EPM2A: variants seen among roughly 807,000 people sequenced by gnomAD.
EPM2A encodes the protein laforin.
In EPM2A, 21 loss-of-function variants were observed where a neutral mutation model predicts 26.5. The observed-to-expected ratio is 0.79, with a 90% confidence interval of 0.56 to 1.14. EPM2A has a LOEUF of 1.14. Among genes scored for constraint, EPM2A ranks in the 50% most tolerant of loss-of-function variants. The pLI is 0.00. For synonymous variants in EPM2A, 217 were observed against 177.6 expected (o/e 1.22, Z -1.76); for missense variants, 458 against 440.8 (o/e 1.04, Z -0.35).
intron 4 of EPM2A, among the ~76,000 whole-genome samples, chr6:145,461,941 A>G (rs1205698088): frequency 1.3e-5 from 2 of 152,194 alleles, no homozygotes; most frequent in Non-Finnish European, 2.9e-5. Flanking sequence ...GAATTGGGAC[A>G]TGGTACTTCC....
At chr6:145,488,123 G>A (rs188178860) in intron 4 of EPM2A, among the ~76,000 whole-genome samples, 1 of 152,150 alleles carries the variant, frequency 6.6e-6, no homozygotes, top group African/African-American at 2.4e-5. Flanking sequence ...ATATCAGATA[G>A]TTGTAGGTCT....
At chr6:145,513,495 T>C (rs1351424379) in intron 2 of EPM2A, among the ~76,000 whole-genome samples, 1 of 152,218 alleles carries the variant, frequency 6.6e-6, no homozygotes, top group Non-Finnish European at 1.5e-5. Flanking sequence ...TATGGCGATA[T>C]CTCAAAGAAC....
At chr6:145,707,057 A>G (rs1377590504) in intron 1 of EPM2A, among the ~76,000 whole-genome samples, 2 of 152,222 alleles carry the variant, frequency 1.3e-5, no homozygotes, top group African/African-American at 4.8e-5. Context: ...GAGAAAGCCA[A>G]ATCTATTAAT....
intron 2 of EPM2A, among the ~76,000 whole-genome samples, chr6:145,544,076 G>A (rs1446134035): frequency 1.3e-5 from 2 of 152,176 alleles, no homozygotes; most frequent in Admixed American, 1.3e-4. Context: ...GAAAGAAAAT[G>A]GACAAATTAT....
chr6:145,640,562 T>C (rs1405744714), intron 2 of EPM2A: 2 of 152,102 alleles, frequency 1.3e-5, no homozygotes, highest in African/African-American at 4.8e-5. Flanking sequence ...AAAACCCAGC[T>C]AAGAATTTAA....
chr6:145,543,369 C>T lies in EPM2A; in HGVS notation c.341-40794G>A, dbSNP rs1025724352. Among the ~76,000 whole-genome samples, 12 of 152,122 alleles carry T rather than the reference C, an allele frequency of 7.9e-5. No individual in the cohort carries two copies. The East Asian group carries it at 9.7e-4, about 12-fold the overall frequency. On this transcript the variant is annotated intron_variant, in intron 2 of 3. Transcript: ENST00000450221. ...AATAATAAATCTAGGCCAGTGTCAA[C>T]GCCAAACCATAGAATGGAGAACATA...
chr6:145,729,485 C>T (rs1424351749), intron 1 of EPM2A, among the ~76,000 whole-genome samples: 1 of 152,200 alleles, frequency 6.6e-6, no homozygotes, highest in Non-Finnish European at 1.5e-5. Context: ...GGGTGTGAGA[C>T]ATGGAGTCAA....
At chr6:145,416,230 C>T (rs1290661103) in intron 4 of EPM2A, among the ~76,000 whole-genome samples, 1 of 143,892 alleles carries the variant, frequency 6.9e-6, no homozygotes, top group Non-Finnish European at 1.5e-5. Flanking sequence ...GAAGGCTATG[C>T]ATCTTTTTCA....
chr6:145,663,178 C>A (rs1171458083), intron 2 of EPM2A, among the ~76,000 whole-genome samples: 1 of 152,130 alleles, frequency 6.6e-6, no homozygotes, highest in African/African-American at 2.4e-5. Context: ...ATGGGGTATG[C>A]AGTAAACATG....
intron 4 of EPM2A, among the ~76,000 whole-genome samples, chr6:145,434,909 T>A (rs962047953): frequency 5.9e-5 from 9 of 152,126 alleles, no homozygotes; most frequent in Non-Finnish European, 1.2e-4. Flanking sequence ...AGATCCCTCA[T>A]GGCTTGGTGC....
rs1356645144 is a variant in EPM2A, at chr6:145,735,504, G to C, written c.-6C>G. On this transcript the variant is annotated 5_prime_UTR_variant, in exon 1 of 4. Transcript: ENST00000367519. ...ACCCCAAAGCGGAAGCGCATGGCGG[G>C]CGGCGGCGGCGCGAATACCCGGGCC... 8.4e-7 allele frequency: 1 copy of C among 1,184,858 alleles called. No individual in the cohort carries two copies. The highest frequency in any genetic ancestry group is 1.6e-5 in the African/African-American group (1 of 62,352). The allele number at this position is 1,184,858 out of a possible 1,614,324, so 73.4% of individuals were successfully genotyped here. A position where few individuals can be genotyped will look rare whatever the true frequency, so the allele number is the denominator to read the frequency against.
chr6:145,402,506 G>A (rs1778503917), intron 4 of EPM2A, among the ~76,000 whole-genome samples: 1 of 152,108 alleles, frequency 6.6e-6, no homozygotes, highest in Non-Finnish European at 1.5e-5. Flanking sequence ...AATTTGCATA[G>A]GTTAGTAGCT....
intron 2 of EPM2A, among the ~76,000 whole-genome samples, chr6:145,594,954 G>C (rs781623178): frequency 1.2e-4 from 18 of 150,858 alleles, no homozygotes; most frequent in Non-Finnish European, 2.5e-4. Flanking sequence ...ACCCTTTTTT[G>C]ATGTTTTTGT....
intron 2 of EPM2A, among the ~76,000 whole-genome samples, chr6:145,645,549 T>C (rs1314394638): frequency 2.0e-5 from 3 of 152,080 alleles, no homozygotes; most frequent in African/African-American, 4.8e-5. Context: ...AAGTAACCCT[T>C]CTGCTTCAGC....
At chr6:145,401,076 A>G (rs1173891488) in intron 4 of EPM2A, among the ~76,000 whole-genome samples, 1 of 152,192 alleles carries the variant, frequency 6.6e-6, no homozygotes, top group Non-Finnish European at 1.5e-5. Flanking sequence ...ATATTGTAAT[A>G]ATACATCAGC....
At chr6:145,588,571 C>G (rs1781228772) in intron 2 of EPM2A, among the ~76,000 whole-genome samples, 1 of 152,152 alleles carries the variant, frequency 6.6e-6, no homozygotes, top group African/African-American at 2.4e-5. Context: ...TTAATCAGCA[C>G]TCATTGTTCT....
intron 4 of EPM2A, among the ~76,000 whole-genome samples, chr6:145,448,155 C>A (rs1051409392): frequency 6.6e-6 from 1 of 152,214 alleles, no homozygotes; most frequent in East Asian, 1.9e-4. Flanking sequence ...GAAGTAAATA[C>A]ACTATTGTGA....
downstream of EPM2A, among the ~76,000 whole-genome samples, chr6:145,497,291 G>T (rs12663211): frequency 2.6e-5 from 4 of 151,990 alleles, no homozygotes; most frequent in African/African-American, 9.7e-5. Flanking sequence ...CCACTTTTCC[G>T]TAGGGCTGCT....
intron 2 of EPM2A, among the ~76,000 whole-genome samples, chr6:145,647,741 G>A (rs969227261): frequency 6.6e-6 from 1 of 152,098 alleles, no homozygotes; most frequent in Non-Finnish European, 1.5e-5. Context: ...AAGGGGAAGA[G>A]GAAGGGAAGA....
Sources: gnomAD v4.1 joint callset for allele counts (sites outside exome capture counted in the v4.1 genomes callset) on GRCh38, gnomAD v4.1.1 for gene constraint, MANE v1.5 for transcripts, NCBI Gene and HGNC (gene_info 2026-07-23, HGNC 2026-07-21) for gene names.